Variants in PNPLA8 observed in about 807,000 individuals in gnomAD.
PNPLA8 encodes the protein patatin like domain 8, phospholipase A2.
Under a neutral mutation model 76.9 loss-of-function variants are expected in PNPLA8, and 39 were observed. That is an observed-to-expected ratio of 0.51 (90% CI 0.39 to 0.66). PNPLA8 has a LOEUF of 0.66. Among genes scored for constraint, PNPLA8 ranks in the 30% least tolerant of loss-of-function variants. The pLI, the probability that PNPLA8 is intolerant of heterozygous loss-of-function variation, is 0.00. For missense variants in PNPLA8, 887 were observed against 918.0 expected, an observed-to-expected ratio of 0.97 and a Z score of 0.44; for synonymous variants, 301 against 307.9, an observed-to-expected ratio of 0.98 and a Z score of 0.24.
At chr7:108,485,197 G>A (rs1281722452) in intron 9 of PNPLA8, among the ~76,000 whole-genome samples, 8 of 152,054 alleles carry the variant, frequency 5.3e-5, no homozygotes, top group Admixed American at 5.2e-4. Context: ...AGGTGGAGAT[G>A]GAAAGAGAGA....
At chr7:108,521,381 C>G (rs1156437893) in intron 2 of PNPLA8, 95 bp downstream of exon 2, 2 of 177,342 alleles carry the variant, frequency 1.1e-5, no homozygotes, top group Non-Finnish European at 2.2e-5. Flanking sequence ...AACTACCCAT[C>G]AGAAGGTAAA....
chr7:108,504,910 C>G (rs1202006502), intron 4 of PNPLA8, among the ~76,000 whole-genome samples: 1 of 151,964 alleles, frequency 6.6e-6, no homozygotes, highest in Non-Finnish European at 1.5e-5. Context: ...AACCCCATCT[C>G]TACTAAAAAT....
Position 108,497,500 on chromosome 7 carries a change from A to G in PNPLA8, c.1436T>C (p.Ile479Thr). Residue 479 changes from isoleucine (I) to threonine (T), a missense_variant, in exon 6 of 11, where the codon ATT becomes ACT. Transcript: ENST00000257694. The stretch of plus-strand genomic sequence containing the variant: ...ATAATTACCTGTGCTTACACCACAA[A>G]TGTAATCAAAGAGCTGATGAACTGG... The part of the protein sequence containing the change: ...QKPVHQLFDY[I>T]CGVSTGAILA... 6.2e-7 allele frequency: 1 copy of G among 1,608,028 alleles called. No individual in the cohort carries two copies. Among genetic ancestry groups the G allele is most frequent in the Non-Finnish European group, 8.5e-7 (1 of 1,175,258 alleles).
intron 9 of PNPLA8, among the ~76,000 whole-genome samples, chr7:108,485,659 G>A (rs981258362): frequency 1.3e-5 from 2 of 152,010 alleles, no homozygotes; most frequent in Non-Finnish European, 2.9e-5. Context: ...TTACTTGAAC[G>A]TTTTCTTTGT....
chr7:108,492,517 GT>G (rs1861254051), intron 7 of PNPLA8, among the ~76,000 whole-genome samples: 8 of 151,838 alleles, frequency 5.3e-5, no homozygotes, highest in Admixed American at 3.9e-4. Flanking sequence ...TTAAATCTTG[GT>G]TTTCTCAAAA....
At chr7:108,524,347 G>C (rs569954593) in intron 1 of PNPLA8, among the ~76,000 whole-genome samples, 2 of 152,124 alleles carry the variant, frequency 1.3e-5, no homozygotes, top group African/African-American at 4.8e-5. Context: ...AGAGCGACAG[G>C]GGTAGAGCCT....
intron 8 of PNPLA8, among the ~76,000 whole-genome samples, chr7:108,489,884 C>T (rs1194577820): frequency 6.6e-6 from 1 of 152,104 alleles, no homozygotes. Flanking sequence ...GGGTTTCAAA[C>T]ACACAAATAA....
intron 8 of PNPLA8, among the ~76,000 whole-genome samples, chr7:108,488,446 G>A (rs1860907788): frequency 6.6e-6 from 1 of 152,070 alleles, no homozygotes; most frequent in Admixed American, 6.5e-5. Context: ...GGACATGATG[G>A]CAGGTGCCTT....
chr7:108,488,257 A>G (rs1407071353), intron 8 of PNPLA8, among the ~76,000 whole-genome samples: 1 of 152,214 alleles, frequency 6.6e-6, no homozygotes, highest in Non-Finnish European at 1.5e-5. Context: ...CCTTTACATA[A>G]TAATTGACAA....
In PNPLA8 at chr7:108,472,300, C is replaced by G; in HGVS notation, c.*101G>C. ...TTTTCAGGATTCTCCAGAATTCATA[C>G]GTATTTCAAAGTTAACTCATGTCGA... is the stretch of plus-strand genomic sequence containing the variant. On this transcript the variant is annotated 3_prime_UTR_variant, in exon 11 of 11. Coordinates refer to ENST00000257694, the MANE Select transcript of PNPLA8 (RefSeq NM_001256007.3). 1.3e-6 allele frequency: 1 copy of G among 780,408 alleles called. No individual in the cohort carries two copies. The highest frequency in any genetic ancestry group is 1.9e-5 in the South Asian group (1 of 52,582). The allele number at this position is 780,408 out of a possible 1,614,324, so 48.3% of individuals were successfully genotyped here.
intron 5 of PNPLA8, 43 bp from the exon 6 acceptor site, chr7:108,497,620 G>A: frequency 3.4e-6 from 4 of 1,169,658 alleles, no homozygotes; most frequent in Admixed American, 5.0e-5. Flanking sequence ...CCTGTTTAAA[G>A]AAAAAATAAT....
chr7:108,501,842 A>G (rs2154515883), intron 5 of PNPLA8, among the ~76,000 whole-genome samples: 1 of 152,252 alleles, frequency 6.6e-6, no homozygotes, highest in South Asian at 2.1e-4. Context: ...TAAAATAATA[A>G]ATGAAAGCTA....
intron 4 of PNPLA8, among the ~76,000 whole-genome samples, chr7:108,507,365 A>AAAAAAAAAAAAAAAAAAAC (rs1554686181): frequency 6.7e-6 from 1 of 150,076 alleles, no homozygotes; most frequent in Non-Finnish European, 1.5e-5. Flanking sequence ...AAAAAAAAAA[A>AAAAAAAAAAAAAAAAAAAC]AGAAACAGGC....
At chr7:108,507,471 T>C (rs1862542450) in intron 4 of PNPLA8, among the ~76,000 whole-genome samples, 1 of 150,316 alleles carries the variant, frequency 6.7e-6, no homozygotes, top group Non-Finnish European at 1.5e-5. Flanking sequence ...CTGAGCAACA[T>C]GGTGAGACCC....
upstream of PNPLA8, chr7:108,527,859 C>A (rs1025526946): frequency 7.2e-5 from 11 of 152,230 alleles, no homozygotes; most frequent in African/African-American, 2.7e-4. Flanking sequence ...GGGAAGAGGG[C>A]TCAGAGGAGC....
chr7:108,500,133 G>T (rs1001988350), intron 5 of PNPLA8, among the ~76,000 whole-genome samples: 13 of 152,140 alleles, frequency 8.5e-5, no homozygotes, highest in African/African-American at 3.1e-4. Flanking sequence ...ATCTAAATCA[G>T]TGCTTACAAC....
intron 7 of PNPLA8, among the ~76,000 whole-genome samples, chr7:108,494,068 T>TA (rs1011680960): frequency 1.3e-5 from 2 of 151,836 alleles, no homozygotes; most frequent in African/African-American, 2.4e-5. Flanking sequence ...AACATCTGAT[T>TA]AAAAAAAAGC....
At chr7:108,491,382 T>C in intron 8 of PNPLA8, 28 bp downstream of exon 8, 1 of 1,392,014 alleles carries the variant, frequency 7.2e-7, no homozygotes, top group South Asian at 1.2e-5. Flanking sequence ...TGGAACTAGG[T>C]GTTATATTTA....
chr7:108,470,611 T>C lies in PNPLA8; in HGVS notation c.*1790A>G, dbSNP rs1306360119. On this transcript the variant is annotated 3_prime_UTR_variant, in exon 11 of 11. Coordinates refer to ENST00000257694, the MANE Select transcript of PNPLA8 (RefSeq NM_001256007.3). The stretch of plus-strand genomic sequence containing the variant: ...TTGAAATTTGCTTTATTACGAAGAA[T>C]TCCCAGAAATATTCTGATTTCCAAT... 4 of 152,176 alleles carry C rather than the reference T, an allele frequency of 2.6e-5. No homozygotes were observed. The East Asian group carries it at 7.7e-4, about 29-fold the overall frequency. 9.4% of individuals were successfully genotyped at this position (152,176 alleles called of 1,614,324 possible).
Sources: allele counts gnomAD v4.1 joint callset (sites outside exome capture counted in the v4.1 genomes callset), GRCh38; gene constraint gnomAD v4.1.1; transcripts MANE v1.5; gene names NCBI Gene and HGNC (gene_info 2026-07-23, HGNC 2026-07-21).